The following PMS1 variants were observed in gnomAD, a reference collection of about 807,000 sequenced individuals.
PMS1 encodes PMS1 homolog 1, mismatch repair system component.
Under a neutral mutation model 93.1 loss-of-function variants are expected in PMS1, and 79 were observed. That is an observed-to-expected ratio of 0.85 (90% CI 0.71 to 1.02). PMS1 has a LOEUF of 1.02. Ranked by LOEUF, PMS1 falls within the 50% of genes least tolerant of loss-of-function variation. The pLI is 0.00. For synonymous variants in PMS1, 335 were observed against 363.4 expected (o/e 0.92, Z 0.89); for missense variants, 1,064 against 1,085.3 (o/e 0.98, Z 0.28).
chr2:189,805,603 C>T, intron 3 of PMS1, 49 bp from the exon 4 acceptor site: 3 of 1,352,158 alleles, frequency 2.2e-6, no homozygotes, highest in Non-Finnish European at 3.2e-6. Context: ...ATAATGAACC[C>T]ATCGCAATAT....
intron 12 of PMS1, among the ~76,000 whole-genome samples, chr2:189,874,287 ACTAATG>A (rs1388542690): frequency 1.3e-5 from 2 of 152,314 alleles, no homozygotes; most frequent in Non-Finnish European, 2.9e-5. Flanking sequence ...AGGGGTTTAA[ACTAATG>A]CTACCTTTAT....
chr2:189,863,194 TTTTGTTTG>T (rs911976697), intron 9 of PMS1, among the ~76,000 whole-genome samples: 1 of 151,880 alleles, frequency 6.6e-6, no homozygotes, highest in Admixed American at 6.6e-5. Flanking sequence ...ATTGAGGGTT[TTTTGTTTG>T]TTTGTTTGTG....
chr2:189,822,449 G>GT (rs56700120), intron 5 of PMS1, among the ~76,000 whole-genome samples: 17,634 of 151,318 alleles, frequency 0.12, 1,201 homozygotes, highest in Middle Eastern at 0.17. Context: ...TAAATAGAGG[G>GT]TTTTTTTTTA....
Position 189,818,145 on chromosome 2 carries a change from A to G in PMS1, c.547A>G (p.Lys183Glu). Residue 183 changes from lysine to glutamate, a missense_variant, in exon 5 of 13, where the codon AAA becomes GAA. Lys to Glu is a moderately conservative substitution (Grantham distance 56, BLOSUM62 1). Transcript: ENST00000441310. ...TCTCCTCATGAGCTTTGGTATCCTT[A>G]AACCTGACTTAAGGATTGTCTTTGT... ...QDLLMSFGIL[K>E]PDLRIVFVHN... The G allele has an allele frequency of 6.2e-7, 1 of 1,607,478 alleles. No individual in the cohort carries two copies. The highest frequency in any genetic ancestry group is 8.5e-7 in the Non-Finnish European group (1 of 1,174,516).
chr2:189,848,855 G>T (rs1033088121), intron 6 of PMS1, among the ~76,000 whole-genome samples: 1 of 152,146 alleles, frequency 6.6e-6, no homozygotes, highest in Admixed American at 6.5e-5. Context: ...AAGGAGAATG[G>T]TCCTGTATCA....
rs972672920 is a variant in PMS1, at chr2:189,809,447, CTTTTTTTTT to C, written c.418+3712_418+3720del. Among the ~76,000 whole-genome samples the C allele has an allele frequency of 5.0e-3, 315 of 63,460 alleles. 2 individuals are homozygous for C. Among genetic ancestry groups the C allele is most frequent in the Middle Eastern group, 0.026 (2 of 78 alleles). The allele number at this position is 63,460 out of a possible 152,430, so 41.6% of individuals were successfully genotyped here. A position where few individuals can be genotyped will look rare whatever the true frequency, so the allele number is the denominator to read the frequency against. On this transcript the variant is annotated intron_variant, in intron 4 of 12. Transcript: ENST00000441310. ...TTGGTGCTTTTAAGGAAGCACATTT[CTTTTTTTTT>C]TTTTTTTTTTTTTTTTTTGCTTTTT...
chr2:189,855,947 G>A, intron 9 of PMS1: 5 of 665,172 alleles, frequency 7.5e-6, no homozygotes, highest in East Asian at 1.2e-4. Context: ...TATGTCAAAT[G>A]TGTGGAAAAA....
chr2:189,844,425 C>T (rs1041791483), intron 6 of PMS1, among the ~76,000 whole-genome samples: 2 of 152,096 alleles, frequency 1.3e-5, no homozygotes, highest in Admixed American at 6.6e-5. Flanking sequence ...AGGCAGATGA[C>T]GTGAGGTCAG....
intron 11 of PMS1, among the ~76,000 whole-genome samples, chr2:189,872,667 C>G (rs991025824): frequency 2.0e-5 from 3 of 152,134 alleles, no homozygotes; most frequent in Admixed American, 6.6e-5. Context: ...GAGTCTTGCT[C>G]TGTTGCCCAG....
At chr2:189,791,629 GAAGA>G in intron 1 of PMS1, 157 bp from the exon 2 acceptor site, 1 of 528,090 alleles carries the variant, frequency 1.9e-6, no homozygotes, top group Admixed American at 3.2e-5. Context: ...AAAAAAAAAA[GAAGA>G]AATAGAAGAC....
At chr2:189,870,664 A>G (rs1390497853) in intron 11 of PMS1, among the ~76,000 whole-genome samples, 3 of 152,240 alleles carry the variant, frequency 2.0e-5, no homozygotes, top group Non-Finnish European at 2.9e-5. Flanking sequence ...GGGCAAATGT[A>G]GTTAGTATTA....
Position 189,805,652 on chromosome 2 carries a change from G to C in PMS1, c.316G>C (p.Val106Leu), listed in dbSNP as rs766079191. 2 of 1,612,596 alleles carry C rather than the reference G, an allele frequency of 1.2e-6. No individual in the cohort carries two copies. The highest frequency in any genetic ancestry group is 2.2e-5 in the South Asian group (2 of 91,058). Reference sequence around the variant, plus strand: ...TTTATTAGATGTTTTTTTCCCCCAGGTTTTAATTACAACAAGAACGGCTGC... The same window carrying C: ...TTTATTAGATGTTTTTTTCCCCCAGCTTTTAATTACAACAAGAACGGCTGC... ...ALGSICCIAE[V>L]LITTRTAADN... The change falls in exon 4 of 13, where the codon GTT becomes CTT. Residue 106 changes from valine (V) to leucine (L), a missense_variant and splice_region_variant. Transcript: ENST00000441310.
At chr2:189,848,803 G>A (rs1018103429) in intron 6 of PMS1, among the ~76,000 whole-genome samples, 1 of 152,148 alleles carries the variant, frequency 6.6e-6, no homozygotes, top group African/African-American at 2.4e-5. Context: ...GTTGCCACCA[G>A]CTACCCATTA....
intron 11 of PMS1, among the ~76,000 whole-genome samples, chr2:189,872,313 G>A (rs990684797): frequency 7.9e-5 from 12 of 152,104 alleles, no homozygotes; most frequent in Admixed American, 4.6e-4. Context: ...TCTGTAATTG[G>A]GAACAGGTAA....
intron 1 of PMS1, among the ~76,000 whole-genome samples, chr2:189,791,295 G>A (rs960606267): frequency 3.3e-5 from 5 of 152,042 alleles, no homozygotes; most frequent in Non-Finnish European, 7.4e-5. Context: ...GGTGATAATG[G>A]CACCTATTTT....
rs2057326275 is a variant in PMS1 at position 189,873,601 on chromosome 2, G to C, written c.2579G>C (p.Arg860Thr). The stretch of plus-strand genomic sequence containing the variant: ...GAAATTCTTAATGCTATATTAAACA[G>C]AAATGCAAAGGAAGTTTATGAATGT... ...LKEILNAILN[R>T]NAKEVYECRP... The change falls in exon 12 of 13, where the codon AGA (arginine) becomes ACA (threonine). Residue 860 changes from arginine (R) to threonine (T), a missense_variant. By Grantham distance (71) the Arg-to-Thr change is moderately conservative. Coordinates refer to ENST00000441310, the MANE Select transcript of PMS1 (RefSeq NM_000534.5). 1 of 1,606,294 alleles carries C rather than the reference G, an allele frequency of 6.2e-7. No homozygotes were observed. The highest frequency in any genetic ancestry group is 8.5e-7 in the Non-Finnish European group (1 of 1,173,000).
chr2:189,850,553 G>C (rs2054606109), intron 6 of PMS1, among the ~76,000 whole-genome samples: 1 of 152,134 alleles, frequency 6.6e-6, no homozygotes, highest in Non-Finnish European at 1.5e-5. Context: ...CTGGTGTATG[G>C]GTAGTTGTTG....
chr2:189,859,338 A>G (rs1264026493), intron 9 of PMS1, among the ~76,000 whole-genome samples: 2 of 152,190 alleles, frequency 1.3e-5, no homozygotes, highest in Non-Finnish European at 2.9e-5. Context: ...AGACACAGAA[A>G]GATTAAATAA....
At chr2:189,826,996 A>G (rs571431780) in intron 5 of PMS1, among the ~76,000 whole-genome samples, 1 of 152,194 alleles carries the variant, frequency 6.6e-6, no homozygotes, top group Non-Finnish European at 1.5e-5. Context: ...GTATATTTTC[A>G]CTTGTATTCA....
Sources: gnomAD v4.1 joint callset for allele counts (sites outside exome capture counted in the v4.1 genomes callset) on GRCh38, gnomAD v4.1.1 for gene constraint, MANE v1.5 for transcripts, NCBI Gene and HGNC (gene_info 2026-07-23, HGNC 2026-07-21) for gene names.